VPS39: variants seen among roughly 807,000 people sequenced by gnomAD.
VPS39 encodes the protein VPS39 subunit of HOPS complex.
In VPS39, 70 loss-of-function variants were observed where a neutral mutation model predicts 121.0. The ratio of observed to expected loss-of-function variants is 0.58; its 90% CI spans 0.48 to 0.71. The LOEUF (loss-of-function observed/expected upper bound fraction) is 0.71. Among genes scored for constraint, VPS39 ranks in the 30% least tolerant of loss-of-function variants. The probability of loss-of-function intolerance (pLI) is 0.00; values close to 1 mark genes in which losing one functional copy is unlikely to be tolerated. For synonymous variants in VPS39, 378 were observed against 398.1 expected, an observed-to-expected ratio of 0.95 and a Z score of 0.60; for missense variants, 818 against 1,051.5, an observed-to-expected ratio of 0.78 and a Z score of 3.07.
At chr15:42,192,301 T>G (rs1271011260) in intron 2 of VPS39, among the ~76,000 whole-genome samples, 2 of 152,224 alleles carry the variant, frequency 1.3e-5, no homozygotes, top group African/African-American at 4.8e-5. Flanking sequence ...TATTTTTTTC[T>G]GTAAACTCAC....
chr15:42,179,573 CTCAATAAATAAA>C (rs2031692368), intron 8 of VPS39, among the ~76,000 whole-genome samples: 1 of 98,582 alleles, frequency 1.0e-5, no homozygotes, highest in African/African-American at 3.9e-5. Flanking sequence ...AAGACTCCAT[CTCAATAAATAAA>C]TAAATAAATA....
At chr15:42,199,829 T>A in intron 2 of VPS39, 67 bp downstream of exon 2, 1 of 1,488,514 alleles carries the variant, frequency 6.7e-7, no homozygotes. Context: ...CAGGAATAAC[T>A]GATTTCACAG....
chr15:42,188,102 A>G (rs2049742712), intron 5 of VPS39, among the ~76,000 whole-genome samples: 1 of 152,342 alleles, frequency 6.6e-6, no homozygotes, highest in Middle Eastern at 3.4e-3. Flanking sequence ...TCACATGGAC[A>G]TTCACAATTC....
chr15:42,198,869 C>T (rs1417186112), intron 2 of VPS39, among the ~76,000 whole-genome samples: 2 of 152,172 alleles, frequency 1.3e-5, no homozygotes, highest in Admixed American at 6.5e-5. Context: ...AACAAGTTTG[C>T]TGACCCTGAT....
chr15:42,174,537 G>A (rs1459595423), intron 10 of VPS39, among the ~76,000 whole-genome samples: 1 of 152,124 alleles, frequency 6.6e-6, no homozygotes, highest in Non-Finnish European at 1.5e-5. Context: ...TAGAAAAACT[G>A]GCCAAATCTG....
At chr15:42,207,940 C>A (rs2050209496) in intron 1 of VPS39, 141 bp downstream of exon 1, 1 of 863,192 alleles carries the variant, frequency 1.2e-6, no homozygotes, top group Admixed American at 2.6e-5. Context: ...ATCTCTCTGC[C>A]TTCTCTCATC....
At chr15:42,203,080 G>A (rs139531409) in intron 1 of VPS39, among the ~76,000 whole-genome samples, 2 of 151,914 alleles carry the variant, frequency 1.3e-5, no homozygotes, top group Non-Finnish European at 2.9e-5. Context: ...AATGTCTAGG[G>A]GCCGGGCACG....
chr15:42,175,887 A>G (rs1185921117), intron 10 of VPS39, among the ~76,000 whole-genome samples: 1 of 151,966 alleles, frequency 6.6e-6, no homozygotes, highest in African/African-American at 2.4e-5. Flanking sequence ...CTAATCTAAC[A>G]TATTCTTAAA....
chr15:42,161,594 T>C lies in VPS39; in HGVS notation c.2552+88A>G, dbSNP rs1451002229. On this transcript the variant is annotated intron_variant, in intron 24 of 24. Coordinates refer to ENST00000318006, the MANE Select transcript of VPS39 (RefSeq NM_015289.5). ...CCAGCAGCCATGTTCTCCTTCTCTG[T>C]TAAAGGGCAGAAATCCATCCTGAGC... 3.0e-6 allele frequency: 4 copies of C among 1,350,822 alleles called. No homozygotes were observed. In the East Asian group the frequency reaches 6.9e-5, roughly 23 times the overall value. 83.7% of individuals were successfully genotyped at this position (1,350,822 alleles called of 1,614,324 possible).
chr15:42,183,290 C>T (rs1215569139), intron 8 of VPS39, among the ~76,000 whole-genome samples: 1 of 150,744 alleles, frequency 6.6e-6, no homozygotes, highest in Non-Finnish European at 1.5e-5. Flanking sequence ...GTGTTTGAGA[C>T]GGGGTTTCAC....
At chr15:42,164,017 G>A (rs2049192449) in intron 19 of VPS39, among the ~76,000 whole-genome samples, 1 of 152,152 alleles carries the variant, frequency 6.6e-6, no homozygotes, top group Non-Finnish European at 1.5e-5. Context: ...AGGTGGTTCA[G>A]GTAAGATGAG....
At chr15:42,176,925 G>A (rs1235522314) in intron 10 of VPS39, among the ~76,000 whole-genome samples, 1 of 152,024 alleles carries the variant, frequency 6.6e-6, no homozygotes, top group Non-Finnish European at 1.5e-5. Flanking sequence ...CACTTTGGGA[G>A]GCTGAGACAG....
chr15:42,195,425 A>G (rs2049917046), intron 2 of VPS39, among the ~76,000 whole-genome samples: 1 of 152,092 alleles, frequency 6.6e-6, no homozygotes, highest in Non-Finnish European at 1.5e-5. Context: ...AGATACAAAA[A>G]TGGCTCAGCC....
At chr15:42,169,561 A>T (rs2049307502) in intron 12 of VPS39, among the ~76,000 whole-genome samples, 163 bp downstream of exon 12, 1 of 152,192 alleles carries the variant, frequency 6.6e-6, no homozygotes, top group African/African-American at 2.4e-5. Flanking sequence ...ATGGTACTGT[A>T]AAGTTAGAAG....
At chr15:42,161,556 G>T in intron 24 of VPS39, 126 bp downstream of exon 24, 2 of 988,190 alleles carry the variant, frequency 2.0e-6, no homozygotes, top group Non-Finnish European at 3.2e-6. Flanking sequence ...AGAACTAAAA[G>T]TTGTCAGGAC....
rs1223892679 is a variant in VPS39 at position 42,159,088 on chromosome 15, T to C, written c.*1666A>G. The C allele has an allele frequency of 1.3e-5, 2 of 152,200 alleles. No homozygotes were observed. Among genetic ancestry groups the C allele is most frequent in the Admixed American group, 6.5e-5 (1 of 15,274 alleles). 9.4% of individuals were successfully genotyped at this position (152,200 alleles called of 1,614,324 possible). A position where few individuals can be genotyped will look rare whatever the true frequency, so the allele number is the denominator to read the frequency against. On this transcript the variant is annotated 3_prime_UTR_variant, in exon 25 of 25. Coordinates refer to ENST00000318006, the MANE Select transcript of VPS39 (RefSeq NM_015289.5). ...GGGCAGCACTGCTTCTGTGTGGGTA[T>C]GGCCAGTCGGGACGTGGCGCCACAC...
At chr15:42,193,979 A>G (rs1244794623) in intron 2 of VPS39, among the ~76,000 whole-genome samples, 1 of 152,126 alleles carries the variant, frequency 6.6e-6, no homozygotes, top group Non-Finnish European at 1.5e-5. Flanking sequence ...TCACATAAGC[A>G]TTTTTCCCTT....
At position 42,187,447 on chromosome 15, in the gene VPS39, C is replaced by T. The variant is rs2049726801; in HGVS notation, c.442-84G>A. The T allele has an allele frequency of 3.2e-6, 4 of 1,267,432 alleles. No homozygotes were observed. In the Admixed American group the frequency reaches 9.5e-5, roughly 30 times the overall value. The allele number at this position is 1,267,432 out of a possible 1,614,324, so 78.5% of individuals were successfully genotyped here. On this transcript the variant is annotated intron_variant, in intron 6 of 24. Transcript: ENST00000318006. ...TTCCTGTTATTCTGCAACCTCCATT[C>T]TGCAAAACAACCCTCACCCTCATCG...
chr15:42,162,235 C>G (rs1339521778), intron 22 of VPS39, 69 bp from the exon 23 acceptor site: 1 of 1,607,012 alleles, frequency 6.2e-7, no homozygotes, highest in Non-Finnish European at 8.5e-7. Context: ...ATGTCTGCAG[C>G]CGTGGAGCTC....
Sources: gnomAD v4.1 joint callset for allele counts (sites outside exome capture counted in the v4.1 genomes callset) on GRCh38, gnomAD v4.1.1 for gene constraint, MANE v1.5 for transcripts, NCBI Gene and HGNC (gene_info 2026-07-23, HGNC 2026-07-21) for gene names.